The following MMP16 variants were observed in gnomAD, a reference collection of about 807,000 sequenced individuals.
MMP16 encodes the protein matrix metallopeptidase 16, also known as matrix metalloproteinase-16.
In MMP16, 12 loss-of-function variants were observed where a neutral mutation model predicts 67.8. The ratio of observed to expected loss-of-function variants is 0.18; its 90% CI spans 0.11 to 0.29. MMP16 has a LOEUF of 0.29. Ranked by LOEUF, MMP16 falls within the 10% of genes least tolerant of loss-of-function variation. The pLI is 1.00. For synonymous variants in MMP16, 249 were observed against 255.9 expected, an observed-to-expected ratio of 0.97 and a Z score of 0.26; for missense variants, 475 against 765.7, an observed-to-expected ratio of 0.62 and a Z score of 4.48.
At chr8:88,125,559 T>A (rs1807915871) in intron 4 of MMP16, among the ~76,000 whole-genome samples, 1 of 151,944 alleles carries the variant, frequency 6.6e-6, no homozygotes, top group South Asian at 2.1e-4. Context: ...TCAGGTAAAG[T>A]AGAAAACCTA....
At chr8:88,324,877 G>C (rs1273322292) in intron 1 of MMP16, among the ~76,000 whole-genome samples, 1 of 151,922 alleles carries the variant, frequency 6.6e-6, no homozygotes, top group African/African-American at 2.4e-5. Context: ...AAAAAGGGGG[G>C]GTATCATTAC....
rs536665240 is a variant in MMP16 at position 88,196,338 on chromosome 8, C to T, written c.281+820G>A. Among the ~76,000 whole-genome samples the T allele has an allele frequency of 2.0e-5, 3 of 152,190 alleles. No individual in the cohort carries two copies. The East Asian group carries it at 5.8e-4, about 29-fold the overall frequency. Reference sequence around the variant, plus strand: ...ATTAATCACTTCTTCCTTTGCTGTCCAGAAAAGTAATGCTGTTTCATAATC... The same window carrying T: ...ATTAATCACTTCTTCCTTTGCTGTCTAGAAAAGTAATGCTGTTTCATAATC... On this transcript the variant is annotated intron_variant, in intron 2 of 9. Transcript: ENST00000286614.
At chr8:88,281,520 T>TCAGAACC (rs1244801041) in intron 1 of MMP16, among the ~76,000 whole-genome samples, 6 of 152,200 alleles carry the variant, frequency 3.9e-5, no homozygotes, top group African/African-American at 1.4e-4. Flanking sequence ...GTTGTGGATG[T>TCAGAACC]TAATATCAGA....
chr8:88,118,404 AT>A (rs1269535406), intron 5 of MMP16, among the ~76,000 whole-genome samples: 2 of 151,932 alleles, frequency 1.3e-5, no homozygotes, highest in Non-Finnish European at 2.9e-5. Flanking sequence ...TTTTACCTGA[AT>A]TTTAAAAACT....
intron 6 of MMP16, among the ~76,000 whole-genome samples, chr8:88,114,605 A>G (rs1268386241): frequency 6.6e-6 from 1 of 152,044 alleles, no homozygotes; most frequent in Non-Finnish European, 1.5e-5. Context: ...GTATGAAATT[A>G]TGTGACAAAA....
At chr8:88,042,650 A>G (rs939407264) in intron 9 of MMP16, among the ~76,000 whole-genome samples, 11 of 152,174 alleles carry the variant, frequency 7.2e-5, no homozygotes, top group Non-Finnish European at 1.5e-4. Flanking sequence ...CTAGTACCTT[A>G]TATTTCATGG....
At chr8:88,064,406 T>C (rs1234102372) in intron 7 of MMP16, among the ~76,000 whole-genome samples, 1 of 152,146 alleles carries the variant, frequency 6.6e-6, no homozygotes, top group Admixed American at 6.6e-5. Context: ...TGTTAGATTA[T>C]GTTATTTAAT....
intron 1 of MMP16, among the ~76,000 whole-genome samples, chr8:88,250,944 C>T (rs1430977815): frequency 7.1e-6 from 1 of 140,832 alleles, no homozygotes; most frequent in East Asian, 2.2e-4. Context: ...TACCCCACAA[C>T]AGTCCCCAGA....
chr8:88,151,887 G>A (rs1808415485), intron 4 of MMP16, among the ~76,000 whole-genome samples: 3 of 78,846 alleles, frequency 3.8e-5, no homozygotes. Flanking sequence ...AGGAAATAGA[G>A]ACACAAAAAA....
chr8:88,166,744 T>C (rs1808720931), intron 4 of MMP16, among the ~76,000 whole-genome samples: 1 of 142,364 alleles, frequency 7.0e-6, no homozygotes, highest in Admixed American at 7.2e-5. Context: ...TAATTTTAAT[T>C]TTTTTTAAAC....
intron 6 of MMP16, among the ~76,000 whole-genome samples, chr8:88,105,095 C>T (rs2118391638): frequency 6.6e-6 from 1 of 151,324 alleles, no homozygotes; most frequent in South Asian, 2.1e-4. Flanking sequence ...AGTCTGCAGG[C>T]TCCACTCATG....
intron 1 of MMP16, among the ~76,000 whole-genome samples, chr8:88,306,560 A>G (rs971494768): frequency 1.3e-5 from 2 of 152,164 alleles, no homozygotes; most frequent in Admixed American, 1.3e-4. Flanking sequence ...ATCCAGCAGC[A>G]TATAAAAAAG....
chr8:88,076,629 G>T (rs905414454), intron 6 of MMP16, among the ~76,000 whole-genome samples: 1 of 152,080 alleles, frequency 6.6e-6, no homozygotes, highest in African/African-American at 2.4e-5. Context: ...TGAAAATCAA[G>T]AGTTCACTGC....
chr8:88,215,455 C>T (rs1809577051), intron 1 of MMP16, among the ~76,000 whole-genome samples: 1 of 152,170 alleles, frequency 6.6e-6, no homozygotes, highest in South Asian at 2.1e-4. Context: ...GACTGTACTA[C>T]CCAGGATCCC....
intron 6 of MMP16, among the ~76,000 whole-genome samples, chr8:88,080,902 T>A (rs1808738764): frequency 6.6e-6 from 1 of 152,176 alleles, no homozygotes; most frequent in South Asian, 2.1e-4. Flanking sequence ...GTGATTTATA[T>A]GAATGCTTAA....
chr8:88,300,753 G>A (rs1038050582), intron 1 of MMP16, among the ~76,000 whole-genome samples: 5 of 152,140 alleles, frequency 3.3e-5, no homozygotes, highest in African/African-American at 1.2e-4. Flanking sequence ...CTGAATGGAA[G>A]TCCCCAAGTT....
At chr8:88,043,815 A>T (rs770166622) in intron 9 of MMP16, among the ~76,000 whole-genome samples, 30 of 152,222 alleles carry the variant, frequency 2.0e-4, no homozygotes, top group Non-Finnish European at 3.2e-4. Flanking sequence ...ATGAAATTCA[A>T]TATAATTACT....
At chr8:88,160,729 T>A (rs1312506347) in intron 4 of MMP16, among the ~76,000 whole-genome samples, 5 of 152,246 alleles carry the variant, frequency 3.3e-5, no homozygotes, top group Non-Finnish European at 7.4e-5. Context: ...GTGTGGTGAT[T>A]CCTCAGGGAT....
intron 1 of MMP16, among the ~76,000 whole-genome samples, chr8:88,253,533 A>C (rs1274987781): frequency 6.6e-6 from 1 of 152,110 alleles, no homozygotes; most frequent in African/African-American, 2.4e-5. Context: ...CAGTCTAATC[A>C]TGAGAAAAAC....
Sources: gnomAD v4.1 joint callset for allele counts (sites outside exome capture counted in the v4.1 genomes callset) on GRCh38, gnomAD v4.1.1 for gene constraint, MANE v1.5 for transcripts, NCBI Gene and HGNC (gene_info 2026-07-23, HGNC 2026-07-21) for gene names.